The following PCDHGA10 variants were observed in gnomAD, a reference collection of about 807,000 sequenced individuals.
PCDHGA10 encodes the protein protocadherin gamma-A10.
In PCDHGA10, 42 loss-of-function variants were observed where a neutral mutation model predicts 59.5. The observed-to-expected ratio is 0.71, with a 90% confidence interval of 0.55 to 0.91. The LOEUF (loss-of-function observed/expected upper bound fraction) is 0.91. Ranked by LOEUF, PCDHGA10 falls within the 40% of genes least tolerant of loss-of-function variation. PCDHGA10 has a pLI of 0.00. For synonymous variants in PCDHGA10, 511 were observed against 517.2 expected, an observed-to-expected ratio of 0.99 and a Z score of 0.16; for missense variants, 1,111 against 1,198.2, an observed-to-expected ratio of 0.93 and a Z score of 1.07.
chr5:141,502,825 G>A (rs1487995525), intron 2 of PCDHGA10, among the ~76,000 whole-genome samples: 4 of 151,216 alleles, frequency 2.6e-5, no homozygotes, highest in South Asian at 2.1e-4. Flanking sequence ...TTTCCTTGGG[G>A]AAGCCTGGAC....
Position 141,493,508 on chromosome 5 carries a change from C to T in PCDHGA10, c.2437-1299C>T, listed in dbSNP as rs2099748607. 1.3e-5 allele frequency among the ~76,000 whole-genome samples: 2 copies of T among 152,284 alleles called. No homozygotes were observed. The highest frequency in any genetic ancestry group is 4.1e-4 in the South Asian group (2 of 4,820). On this transcript the variant is annotated intron_variant, in intron 1 of 3. Transcript: ENST00000398610. The surrounding 1 kb of genome is among the most constrained non-coding windows in gnomAD (Gnocchi z 4.3). Reference sequence around the variant, plus strand: ...TCTTCTGTGGCTCCTCATTTCTGAGCAGTCCCCGCAGCGCAAACTTGGCCA... The same window carrying T: ...TCTTCTGTGGCTCCTCATTTCTGAGTAGTCCCCGCAGCGCAAACTTGGCCA...
At position 141,487,550 on chromosome 5, in the gene PCDHGA10, G is replaced by A. The variant is rs762537798; in HGVS notation, c.2437-7257G>A. 1 of 1,614,160 alleles carries A rather than the reference G, an allele frequency of 6.2e-7. No individual in the cohort carries two copies. The highest frequency in any genetic ancestry group is 1.1e-5 in the South Asian group (1 of 91,082). ...CTTCATGATGGTGAAGTCACCCAGT[G>A]CACCTATGGCAGGGGAGCCTGTTCG... On this transcript the variant is annotated intron_variant, in intron 1 of 3. Transcript: ENST00000398610. The surrounding 1 kb of genome is among the most constrained non-coding windows in gnomAD (Gnocchi z 5.0).
At position 141,414,921 on chromosome 5, in the gene PCDHGA10, G is replaced by T. The variant is rs746806079; in HGVS notation, c.1746G>T (p.Ala582=). ...ACGGTTCCACAGGCGTGGAGCTGGC[G>T]CCCCGCTCCGCAGAGCCCGGCTACC... ...PTDGSTGVEL[A]PRSAEPGYLV... The change falls in exon 1 of 4, where the codon GCG becomes GCT. Residue 582 remains alanine (A), a synonymous_variant. Transcript: ENST00000398610. 1.4e-5 allele frequency: 22 copies of T among 1,613,992 alleles called. No individual in the cohort carries two copies. Among genetic ancestry groups the T allele is most frequent in the East Asian group, 4.5e-5 (2 of 44,884 alleles).
intron 1 of PCDHGA10, chr5:141,423,057 T>C (rs1443300486): frequency 6.2e-7 from 1 of 1,614,060 alleles, no homozygotes; most frequent in Non-Finnish European, 8.5e-7. Flanking sequence ...ATCGCCTGCT[T>C]AAGGCCAGCG....
chr5:141,423,671 T>C (rs773279181), intron 1 of PCDHGA10: 7 of 1,550,720 alleles, frequency 4.5e-6, no homozygotes, highest in Non-Finnish European at 5.2e-6. Context: ...GTGAGATTTA[T>C]TTCTCTGCCT....
intron 2 of PCDHGA10, among the ~76,000 whole-genome samples, chr5:141,501,821 G>A (rs910825533): frequency 1.3e-5 from 2 of 152,028 alleles, no homozygotes; most frequent in Non-Finnish European, 2.9e-5. Context: ...ATAATTGGCA[G>A]CCCACCCACC....
rs769671283 is a variant in PCDHGA10, at chr5:141,511,391, C to T, written c.*218C>T. On this transcript the variant is annotated 3_prime_UTR_variant, in exon 4 of 4. Transcript: ENST00000398610. Reference sequence around the variant, plus strand: ...TGCAAAAGCAGTTCCGCTGGGAACCCCCATCCAATCAACTGCTGTACCCAT... The same window carrying T: ...TGCAAAAGCAGTTCCGCTGGGAACCTCCATCCAATCAACTGCTGTACCCAT... The T allele has an allele frequency of 6.4e-5, 69 of 1,079,630 alleles. No individual in the cohort carries two copies. The highest frequency in any genetic ancestry group is 1.5e-4 in the Admixed American group (5 of 34,354). 66.9% of individuals were successfully genotyped at this position (1,079,630 alleles called of 1,614,324 possible). A position where few individuals can be genotyped will look rare whatever the true frequency, so the allele number is the denominator to read the frequency against.
In PCDHGA10 at chr5:141,476,516, G is replaced by T. The variant is rs1042414523; in HGVS notation, c.2437-18291G>T. 1 of 1,614,016 alleles carries T rather than the reference G, an allele frequency of 6.2e-7. No individual in the cohort carries two copies. The highest frequency in any genetic ancestry group is 8.5e-7 in the Non-Finnish European group (1 of 1,180,022). ...CCAGGACATCAACGACAACAATCCT[G>T]CTTTCCCTACCCAGGAAATGAAATT... On this transcript the variant is annotated intron_variant, in intron 1 of 3. Transcript: ENST00000398610. The surrounding 1 kb of genome is among the most constrained non-coding windows in gnomAD (Gnocchi z 7.6).
intron 1 of PCDHGA10, among the ~76,000 whole-genome samples, chr5:141,472,346 C>G (rs1393301393): frequency 6.6e-6 from 1 of 151,722 alleles, no homozygotes; most frequent in Non-Finnish European, 1.5e-5. Flanking sequence ...TCGAGACCAT[C>G]CTGGCTAACA....
At chr5:141,456,171 A>ACAGGCG (rs1443838766) in intron 1 of PCDHGA10, among the ~76,000 whole-genome samples, 2 of 152,096 alleles carry the variant, frequency 1.3e-5, no homozygotes, top group East Asian at 3.9e-4. Flanking sequence ...TGCTGGGATT[A>ACAGGCG]CAGAATAATT....
intron 1 of PCDHGA10, among the ~76,000 whole-genome samples, chr5:141,443,477 C>T (rs1279226136): frequency 6.6e-6 from 1 of 152,116 alleles, no homozygotes; most frequent in Non-Finnish European, 1.5e-5. Flanking sequence ...CAGAATTAGA[C>T]CCTGTCCCAA....
intron 1 of PCDHGA10, chr5:141,430,922 G>A: frequency 1.2e-6 from 2 of 1,607,168 alleles, no homozygotes; most frequent in South Asian, 2.2e-5. Context: ...CCTGGGGCTG[G>A]AGCCCCGGGA....
rs2233603 is a variant in PCDHGA10 at position 141,490,063 on chromosome 5, G to A, written c.2437-4744G>A. 1,259 of 1,614,208 alleles carry A rather than the reference G, an allele frequency of 7.8e-4. 6 individuals carry two copies. The African/African-American group carries it at 0.013, about 16-fold the overall frequency. On this transcript the variant is annotated intron_variant, in intron 1 of 3. Transcript: ENST00000398610. The surrounding 1 kb of genome is among the most constrained non-coding windows in gnomAD (Gnocchi z 5.4). ...CACTGATCCAGACGAGGGCACCAAC[G>A]GCCAACTAGACTATTCTTTTGGAGA...
rs757597548 is a variant in PCDHGA10, at chr5:141,414,497, A to C, written c.1322A>C (p.His441Pro). Residue 441 changes from histidine (H) to proline (P), a missense_variant, in exon 1 of 4, where the codon CAC (histidine) becomes CCC (proline). His to Pro is a moderately conservative substitution (Grantham distance 77, BLOSUM62 -2). Transcript: ENST00000398610. The part of the protein sequence containing the change: ...GGSPPLSTEA[H>P]FMLQVADIND... ...AGTCCTCCTCTATCAACGGAAGCTCACTTTATGCTACAAGTGGCAGATATC... is the reference window on the plus strand; with the variant it reads ...AGTCCTCCTCTATCAACGGAAGCTCCCTTTATGCTACAAGTGGCAGATATC... The C allele has an allele frequency of 2.5e-6, 4 of 1,613,922 alleles. No homozygotes were observed. Among genetic ancestry groups the C allele is most frequent in the Non-Finnish European group, 3.4e-6 (4 of 1,179,876 alleles).
chr5:141,414,906 A>C lies in PCDHGA10; in HGVS notation c.1731A>C (p.Thr577=), dbSNP rs749933537. The change falls in exon 1 of 4, where the codon ACA becomes ACC. Residue 577 remains threonine, a synonymous_variant. Coordinates refer to ENST00000398610, the MANE Select transcript of PCDHGA10 (RefSeq NM_018913.3). ...CCGCCCTCCCCACAGACGGTTCCAC[A>C]GGCGTGGAGCTGGCGCCCCGCTCCG... ...LYPALPTDGS[T]GVELAPRSAE... 1 of 1,614,146 alleles carries C rather than the reference A, an allele frequency of 6.2e-7. No homozygotes were observed. The highest frequency in any genetic ancestry group is 1.7e-5 in the Admixed American group (1 of 60,018).
rs1452697214 is a variant in PCDHGA10 at position 141,476,552 on chromosome 5, G to T, written c.2437-18255G>T. ...CCAGGAAATGAAATTGGAGATTAGC[G>T]AGGCCGTGGCTCCGGGGACGCGCTT... On this transcript the variant is annotated intron_variant, in intron 1 of 3. Transcript: ENST00000398610. The surrounding 1 kb of genome is among the most constrained non-coding windows in gnomAD (Gnocchi z 7.6). 6.2e-7 allele frequency: 1 copy of T among 1,614,210 alleles called. No individual in the cohort carries two copies. The highest frequency in any genetic ancestry group is 2.2e-5 in the East Asian group (1 of 44,872).
intron 1 of PCDHGA10, among the ~76,000 whole-genome samples, chr5:141,466,180 AT>A (rs922532578): frequency 6.6e-6 from 1 of 151,138 alleles, no homozygotes; most frequent in Admixed American, 6.6e-5. Context: ...TTTTATTTTT[AT>A]TTTTTTTCAG....
chr5:141,494,441 C>T (rs1187169994), intron 1 of PCDHGA10, among the ~76,000 whole-genome samples: 2 of 152,154 alleles, frequency 1.3e-5, no homozygotes, highest in African/African-American at 4.8e-5. Context: ...TCCTTTGCCA[C>T]TTTAGGGGGC....
chr5:141,460,172 G>T (rs545017378), intron 1 of PCDHGA10, among the ~76,000 whole-genome samples: 1 of 151,852 alleles, frequency 6.6e-6, no homozygotes, highest in South Asian at 2.1e-4. Flanking sequence ...ATATTTTGTG[G>T]ATATTTTATC....
Sources: gnomAD v4.1 joint callset for allele counts (sites outside exome capture counted in the v4.1 genomes callset) on GRCh38, gnomAD v4.1.1 for gene constraint, Gnocchi (gnomAD v3.1) non-coding constraint, MANE v1.5 for transcripts, NCBI Gene and HGNC (gene_info 2026-07-23, HGNC 2026-07-21) for gene names.